Variants in TOLLIP observed in about 807,000 individuals in gnomAD.
TOLLIP encodes the protein toll-interacting protein.
In TOLLIP, 16 loss-of-function variants were observed where a neutral mutation model predicts 33.5. The observed-to-expected ratio is 0.48, with a 90% CI of 0.32 to 0.72. The LOEUF (loss-of-function observed/expected upper bound fraction) is 0.72, where lower values mean the gene tolerates loss of function less well. Ranked by LOEUF, TOLLIP falls within the 30% of genes least tolerant of loss-of-function variation. The pLI, the probability that TOLLIP is intolerant of heterozygous loss-of-function variation, is 0.03. For missense variants in TOLLIP, 325 were observed against 396.6 expected (o/e 0.82, Z 1.53); for synonymous variants, 176 against 163.7 (o/e 1.07, Z -0.57).
At chr11:1,309,439 C>A in intron 1 of TOLLIP, 27 bp downstream of exon 1, 2 of 1,278,550 alleles carry the variant, frequency 1.6e-6, no homozygotes, top group Admixed American at 3.4e-5. Context: ...TCACCGCCCC[C>A]GCCCGACCCT....
intron 3 of TOLLIP, among the ~76,000 whole-genome samples, chr11:1,289,674 C>T (rs887958903): frequency 6.8e-6 from 1 of 147,700 alleles, no homozygotes; most frequent in Non-Finnish European, 1.5e-5. Context: ...CAGACGAGTG[C>T]CCAGTGGACA....
intron 1 of TOLLIP, among the ~76,000 whole-genome samples, chr11:1,299,523 A>G (rs1864205180): frequency 6.6e-6 from 1 of 152,122 alleles, no homozygotes; most frequent in Non-Finnish European, 1.5e-5. Context: ...CTAATCCTAA[A>G]ATTTATTTTT....
intron 5 of TOLLIP, among the ~76,000 whole-genome samples, chr11:1,279,067 G>C (rs1384395345): frequency 6.6e-6 from 1 of 152,246 alleles, no homozygotes; most frequent in Non-Finnish European, 1.5e-5. Flanking sequence ...GCCTTTACCA[G>C]TCTGATGGGG....
intron 5 of TOLLIP, among the ~76,000 whole-genome samples, chr11:1,279,967 G>A (rs111658007): frequency 6.6e-6 from 1 of 152,214 alleles, no homozygotes; most frequent in Non-Finnish European, 1.5e-5. Context: ...CTCAGAGACT[G>A]TTCCGGAACT....
intron 2 of TOLLIP, among the ~76,000 whole-genome samples, chr11:1,291,452 A>G (rs1590218735): frequency 8.9e-6 from 1 of 112,410 alleles, no homozygotes; most frequent in Non-Finnish European, 1.8e-5. Context: ...CTGCCCCCCG[A>G]CCCCCTCTGA....
chr11:1,291,623 CCTGTTCTCA>C (rs1863949965), intron 2 of TOLLIP, among the ~76,000 whole-genome samples: 1 of 151,620 alleles, frequency 6.6e-6, no homozygotes, highest in Non-Finnish European at 1.5e-5. Context: ...GCACCGCCGC[CCTGTTCTCA>C]CCGCACCCCT....
At chr11:1,295,879 G>A (rs926676635) in intron 1 of TOLLIP, 85 bp from the exon 2 acceptor site, 54 of 1,454,256 alleles carry the variant, frequency 3.7e-5, no homozygotes, top group African/African-American at 2.3e-4. Flanking sequence ...GCATTCCCGC[G>A]GCCCCGCCCC....
chr11:1,288,318 G>A (rs1450040117), intron 4 of TOLLIP, among the ~76,000 whole-genome samples: 1 of 152,204 alleles, frequency 6.6e-6, no homozygotes, highest in Non-Finnish European at 1.5e-5. Context: ...GGGCTGTGGG[G>A]GTCCTCCGAG....
chr11:1,287,885 C>G (rs1303440810), intron 4 of TOLLIP, among the ~76,000 whole-genome samples: 1 of 148,516 alleles, frequency 6.7e-6, no homozygotes, highest in Non-Finnish European at 1.5e-5. Context: ...CCCTGCTGCA[C>G]CCTCCCTGCT....
chr11:1,289,874 A>C (rs1242309629), intron 3 of TOLLIP, among the ~76,000 whole-genome samples: 3 of 136,650 alleles, frequency 2.2e-5, no homozygotes, highest in Admixed American at 7.5e-5. Flanking sequence ...GTGAGCGGCC[A>C]GATCAGTGCC....
At chr11:1,291,669 CTGA>C (rs1863953012) in intron 2 of TOLLIP, among the ~76,000 whole-genome samples, 32 of 150,876 alleles carry the variant, frequency 2.1e-4, no homozygotes, top group Admixed American at 5.3e-4. Context: ...CCCGTCCTCG[CTGA>C]CCCCCCGCTG....
intron 1 of TOLLIP, among the ~76,000 whole-genome samples, chr11:1,305,313 G>A (rs1045395887): frequency 3.9e-5 from 6 of 152,216 alleles, no homozygotes; most frequent in African/African-American, 1.2e-4. Context: ...CAGCAGGAAC[G>A]GACGCCCTCC....
At position 1,285,758 on chromosome 11, in the gene TOLLIP, T is replaced by C. The variant is rs543717836; in HGVS notation, c.610+244A>G. Among the ~76,000 whole-genome samples, 3 of 151,210 alleles carry C rather than the reference T, an allele frequency of 2.0e-5. No homozygotes were observed. The South Asian group carries it at 6.3e-4, about 32-fold the overall frequency. On this transcript the variant is annotated intron_variant, in intron 5 of 5. Coordinates refer to ENST00000317204, the MANE Select transcript of TOLLIP (RefSeq NM_019009.4). ...TCTGAAAATTTCAACTCACCTCATT[T>C]CTGCCAACAATTAGAAAAAAAAAAA...
At chr11:1,283,767 G>A (rs973224155) in intron 5 of TOLLIP, among the ~76,000 whole-genome samples, 6 of 152,220 alleles carry the variant, frequency 3.9e-5, no homozygotes, top group African/African-American at 1.4e-4. Context: ...CCCTGGCGCT[G>A]TATCCAGTTG....
At chr11:1,281,590 C>A (rs775681599) in intron 5 of TOLLIP, among the ~76,000 whole-genome samples, 1 of 152,212 alleles carries the variant, frequency 6.6e-6, no homozygotes, top group African/African-American at 2.4e-5. Flanking sequence ...AATGAACGAG[C>A]GGCTGAAGGG....
chr11:1,305,441 T>A (rs778938620), intron 1 of TOLLIP, among the ~76,000 whole-genome samples: 1 of 152,022 alleles, frequency 6.6e-6, no homozygotes, highest in Non-Finnish European at 1.5e-5. Context: ...CCCACACACA[T>A]CTACAAAGAA....
At position 1,278,685 on chromosome 11, in the gene TOLLIP, G is replaced by A. The variant is rs1413185091; in HGVS notation, c.611-1432C>T. Among the ~76,000 whole-genome samples, 1 of 152,160 alleles carries A rather than the reference G, an allele frequency of 6.6e-6. No individual in the cohort carries two copies. The highest frequency in any genetic ancestry group is 2.4e-5 in the African/African-American group (1 of 41,430). ...CACACCCACACCTGCCTCTTGTCCT[G>A]GCCACTGGACACCTCACCTCACTGG... On this transcript the variant is annotated intron_variant, in intron 5 of 5. Transcript: ENST00000317204. The surrounding 1 kb of genome is among the most constrained non-coding windows in gnomAD (Gnocchi z 4.7).
chr11:1,288,913 C>T (rs939191805), intron 3 of TOLLIP, 137 bp from the exon 4 acceptor site: 18 of 903,200 alleles, frequency 2.0e-5, no homozygotes, highest in East Asian at 8.0e-5. Flanking sequence ...AACACCCCAT[C>T]GATGAGACCC....
At chr11:1,306,132 C>A (rs1198394441) in intron 1 of TOLLIP, 3 of 152,214 alleles carry the variant, frequency 2.0e-5, no homozygotes, top group Non-Finnish European at 4.4e-5. Flanking sequence ...AAAATACTGG[C>A]CTTTTTGAAA....
Sources: allele counts gnomAD v4.1 joint callset (sites outside exome capture counted in the v4.1 genomes callset), GRCh38; gene constraint gnomAD v4.1.1; non-coding constraint Gnocchi (gnomAD v3.1); transcripts MANE v1.5; gene names NCBI Gene and HGNC (gene_info 2026-07-23, HGNC 2026-07-21).